GPR158: variants seen among roughly 807,000 people sequenced by gnomAD.
GPR158 encodes G protein-coupled receptor 158.
In GPR158, 30 loss-of-function variants were observed where a neutral mutation model predicts 78.2. That is an observed-to-expected ratio of 0.38 (90% confidence interval 0.29 to 0.52). GPR158 has a LOEUF of 0.52. GPR158 is among the 20% of genes least tolerant of loss of function. The probability of loss-of-function intolerance (pLI) is 0.83; values close to 1 mark genes in which losing one functional copy is unlikely to be tolerated. For synonymous variants in GPR158, 581 were observed against 591.1 expected, an observed-to-expected ratio of 0.98 and a Z score of 0.25; for missense variants, 1,463 against 1,523.5, an observed-to-expected ratio of 0.96 and a Z score of 0.66.
chr10:25,528,043 G>C (rs1461277022), intron 5 of GPR158, among the ~76,000 whole-genome samples: 1 of 151,876 alleles, frequency 6.6e-6, no homozygotes, highest in Non-Finnish European at 1.5e-5. Flanking sequence ...ATAATGAAAA[G>C]ACTTCTCAGA....
At chr10:25,210,347 T>C (rs1853110698) in intron 1 of GPR158, among the ~76,000 whole-genome samples, 1 of 152,206 alleles carries the variant, frequency 6.6e-6, no homozygotes, top group Admixed American at 6.5e-5. Context: ...TCTATGCCCC[T>C]TTGTGAATGA....
In GPR158 at chr10:25,249,405, T is replaced by A. The variant is rs547326928; in HGVS notation, c.1008+28248T>A. Among the ~76,000 whole-genome samples the A allele has an allele frequency of 7.2e-5, 11 of 152,294 alleles. No homozygotes were observed. The East Asian group carries it at 2.1e-3, about 29-fold the overall frequency. ...GTCTTGTGCCAGTTTTCAAAGGGAA[T>A]GCTTCCAGTTTTTGCCCATTCAGTA... On this transcript the variant is annotated intron_variant, in intron 2 of 10. Coordinates refer to ENST00000376351, the MANE Select transcript of GPR158 (RefSeq NM_020752.3).
At chr10:25,232,657 C>T (rs900345994) in intron 2 of GPR158, among the ~76,000 whole-genome samples, 1 of 151,998 alleles carries the variant, frequency 6.6e-6, no homozygotes, top group African/African-American at 2.4e-5. Context: ...CCCCAAGGGC[C>T]TATAGATTGA....
At chr10:25,295,503 T>A (rs1854498608) in intron 2 of GPR158, among the ~76,000 whole-genome samples, 1 of 151,640 alleles carries the variant, frequency 6.6e-6, no homozygotes, top group African/African-American at 2.4e-5. Context: ...AAGCTCCACC[T>A]CCCGGGTTCA....
At chr10:25,224,403 T>A (rs1258047840) in intron 2 of GPR158, among the ~76,000 whole-genome samples, 1 of 151,642 alleles carries the variant, frequency 6.6e-6, no homozygotes, top group Non-Finnish European at 1.5e-5. Flanking sequence ...TGTATATACA[T>A]CTTTTGTTAT....
chr10:25,366,017 G>T, intron 2 of GPR158, among the ~76,000 whole-genome samples: 1 of 151,560 alleles, frequency 6.6e-6, no homozygotes, highest in East Asian at 1.9e-4. Context: ...AACATTGAGT[G>T]ATTAAAAGAT....
At chr10:25,585,196 T>C (rs966819384) in intron 7 of GPR158, among the ~76,000 whole-genome samples, 4 of 152,228 alleles carry the variant, frequency 2.6e-5, no homozygotes, top group African/African-American at 7.2e-5. Context: ...TATTTTCCTT[T>C]AACAGGCCCT....
intron 5 of GPR158, among the ~76,000 whole-genome samples, chr10:25,546,129 A>AT (rs1168976878): frequency 1.3e-5 from 2 of 152,134 alleles, no homozygotes; most frequent in East Asian, 3.8e-4. Flanking sequence ...TCTTGTTAGC[A>AT]TTTCTCTTTT....
intron 2 of GPR158, among the ~76,000 whole-genome samples, chr10:25,357,545 G>A (rs1198434272): frequency 1.3e-5 from 2 of 152,110 alleles, no homozygotes; most frequent in Non-Finnish European, 2.9e-5. Flanking sequence ...ACCAAAATGG[G>A]CCAAGGTACA....
chr10:25,375,974 G>T (rs1474503077), intron 2 of GPR158, among the ~76,000 whole-genome samples: 1 of 151,580 alleles, frequency 6.6e-6, no homozygotes, highest in African/African-American at 2.4e-5. Flanking sequence ...ACTTTGGGAA[G>T]AATTGACATC....
At chr10:25,548,790 A>G (rs1297424372) in intron 5 of GPR158, among the ~76,000 whole-genome samples, 2 of 152,092 alleles carry the variant, frequency 1.3e-5, no homozygotes, top group Admixed American at 6.6e-5. Context: ...CTAGAATTTC[A>G]TTTCTTATTA....
At chr10:25,300,036 G>A (rs1482529566) in intron 2 of GPR158, among the ~76,000 whole-genome samples, 1 of 152,126 alleles carries the variant, frequency 6.6e-6, no homozygotes, top group Non-Finnish European at 1.5e-5. Context: ...GGGATTACAG[G>A]TGTGAGCCAC....
chr10:25,263,100 A>G (rs1419829181), intron 2 of GPR158, among the ~76,000 whole-genome samples: 1 of 152,154 alleles, frequency 6.6e-6, no homozygotes, highest in Non-Finnish European at 1.5e-5. Flanking sequence ...TGTCTTTGAT[A>G]TTGTATCTAA....
intron 2 of GPR158, among the ~76,000 whole-genome samples, chr10:25,346,228 T>G (rs756100931): frequency 6.8e-6 from 1 of 147,456 alleles, no homozygotes; most frequent in Non-Finnish European, 1.5e-5. Context: ...GTGCTCTCAA[T>G]TATTTTGAAC....
chr10:25,318,410 C>T (rs1854893179), intron 2 of GPR158, among the ~76,000 whole-genome samples: 1 of 151,974 alleles, frequency 6.6e-6, no homozygotes, highest in African/African-American at 2.4e-5. Flanking sequence ...ACTTCTTTCT[C>T]TAGTACTTTC....
chr10:25,582,690 G>A (rs369437606), intron 7 of GPR158, among the ~76,000 whole-genome samples: 35 of 152,262 alleles, frequency 2.3e-4, no homozygotes, highest in African/African-American at 7.2e-4. Context: ...TGACATCTCA[G>A]CATTCAAAAT....
intron 7 of GPR158, among the ~76,000 whole-genome samples, chr10:25,585,087 C>T (rs956843356): frequency 6.6e-5 from 10 of 152,188 alleles, no homozygotes; most frequent in African/African-American, 2.4e-4. Flanking sequence ...GCTTCCTTCA[C>T]AATTAATCAG....
intron 2 of GPR158, among the ~76,000 whole-genome samples, chr10:25,318,267 A>C (rs975360615): frequency 1.3e-5 from 2 of 148,618 alleles, no homozygotes; most frequent in Non-Finnish European, 3.0e-5. Context: ...TTTCCCCTTT[A>C]CTGTGCAATT....
chr10:25,423,129 G>GTATATACGTATATACA (rs1483123257), intron 4 of GPR158, among the ~76,000 whole-genome samples: 4 of 127,790 alleles, frequency 3.1e-5, no homozygotes, highest in African/African-American at 1.2e-4. Context: ...ACATATATAT[G>GTATATACGTATATACA]TATATACATA....
Sources: allele counts gnomAD v4.1 joint callset (sites outside exome capture counted in the v4.1 genomes callset), GRCh38; gene constraint gnomAD v4.1.1; transcripts MANE v1.5; gene names NCBI Gene and HGNC (gene_info 2026-07-23, HGNC 2026-07-21).